The following SEMA6D variants were observed in gnomAD, a reference collection of about 807,000 sequenced individuals.
The protein encoded by SEMA6D is semaphorin 6D, also known as semaphorin-6D.
Under a neutral mutation model 106.6 loss-of-function variants are expected in SEMA6D, and 35 were observed. That is an observed-to-expected ratio of 0.33 (90% CI 0.25 to 0.44). The LOEUF is 0.44. SEMA6D is among the 20% of genes least tolerant of loss of function. The probability of loss-of-function intolerance (pLI) is 1.00; values close to 1 mark genes in which losing one functional copy is unlikely to be tolerated. For missense variants in SEMA6D, 1,185 were observed against 1,345.9 expected (o/e 0.88, Z 1.87); for synonymous variants, 499 against 487.7 (o/e 1.02, Z -0.31).
Position 47,770,758 on chromosome 15 carries a change from T to C in SEMA6D, c.2195T>C (p.Ile732Thr), listed in dbSNP as rs770240160. Residue 732 changes from isoleucine to threonine, a missense_variant, in exon 19 of 19, where the codon ATT becomes ACT. By Grantham distance (89) the Ile-to-Thr change is moderately conservative (BLOSUM62 -1). This residue lies in a region of SEMA6D where 750 missense variants were observed against 783.5 expected (regional missense o/e 0.96). Transcript: ENST00000536845. ...CCTGTCAAGGAATACCAACAGAATA[T>C]TGATTCTCCTAAACTGTATAGTAAC... is the stretch of plus-strand genomic sequence containing the variant. ...DSPVKEYQQN[I>T]DSPKLYSNLL... The C allele has an allele frequency of 3.1e-6, 5 of 1,613,982 alleles. No individual in the cohort carries two copies. The highest frequency in any genetic ancestry group is 4.2e-6 in the Non-Finnish European group (5 of 1,179,998).
intron 2 of SEMA6D, among the ~76,000 whole-genome samples, chr15:47,439,908 C>G (rs565798553): frequency 4.6e-5 from 7 of 152,152 alleles, no homozygotes; most frequent in African/African-American, 1.7e-4. Context: ...GCATTTCAGG[C>G]ACTAAAGGAA....
chr15:47,601,516 G>A (rs2076658666), intron 4 of SEMA6D, among the ~76,000 whole-genome samples: 1 of 152,158 alleles, frequency 6.6e-6, no homozygotes, highest in African/African-American at 2.4e-5. Flanking sequence ...ACAGGAATAA[G>A]TTTTCAAAAG....
intron 3 of SEMA6D, among the ~76,000 whole-genome samples, chr15:47,572,406 C>A (rs1169521045): frequency 6.6e-6 from 1 of 152,074 alleles, no homozygotes. Flanking sequence ...CTTTTATAAT[C>A]ATTTTCCTCC....
chr15:47,246,990 A>G (rs2033244768), intron 1 of SEMA6D, among the ~76,000 whole-genome samples: 1 of 152,180 alleles, frequency 6.6e-6, no homozygotes, highest in Non-Finnish European at 1.5e-5. Context: ...ATGCACAAAT[A>G]GGTTGAACTT....
chr15:47,589,810 A>G (rs1425868281), intron 3 of SEMA6D, among the ~76,000 whole-genome samples: 1 of 152,172 alleles, frequency 6.6e-6, no homozygotes, highest in Non-Finnish European at 1.5e-5. Flanking sequence ...GCAGAAGCCA[A>G]ATTGTAGTAG....
rs71118160 is a variant in SEMA6D at position 47,225,519 on chromosome 15, G to GTTTTTTTTTTTTTTT, written c.-239+41114_-239+41128dup. 2.2e-5 allele frequency among the ~76,000 whole-genome samples: 2 copies of GTTTTTTTTTTTTTTT among 92,384 alleles called. 1 individual carries two copies. The highest frequency in any genetic ancestry group is 1.2e-4 in the African/African-American group (2 of 16,820). 60.6% of individuals were successfully genotyped at this position (92,384 alleles called of 152,430 possible). Reference sequence around the variant, plus strand: ...ATCGGGTGTTTTTTTCTTGTTGAGGGTTTTTTTTTTTTTTTTTTTTTTTTT... The same window carrying GTTTTTTTTTTTTTTT: ...ATCGGGTGTTTTTTTCTTGTTGAGGGTTTTTTTTTTTTTTTTTTTTTTTTTTTTTTTTTTTTTTTT... On this transcript the variant is annotated intron_variant, in intron 1 of 19. Coordinates refer to the SEMA6D transcript ENST00000558014.
chr15:47,195,029 A>G (rs1375282890), intron 1 of SEMA6D, among the ~76,000 whole-genome samples: 3 of 152,200 alleles, frequency 2.0e-5, no homozygotes, highest in African/African-American at 4.8e-5. Flanking sequence ...CGTAAAGGAA[A>G]TTTGATGAAA....
At chr15:47,357,093 GGGAGGC>G (rs2038604064) in intron 1 of SEMA6D, among the ~76,000 whole-genome samples, 1 of 151,932 alleles carries the variant, frequency 6.6e-6, no homozygotes, top group African/African-American at 2.4e-5. Context: ...CCAGCACTTT[GGGAGGC>G]GGAGGCGGGC....
intron 1 of SEMA6D, among the ~76,000 whole-genome samples, chr15:47,401,843 C>T (rs1013656070): frequency 3.0e-4 from 45 of 152,190 alleles, no homozygotes; most frequent in East Asian, 1.9e-4. Flanking sequence ...TGTGTCTGTG[C>T]GTTCATACCA....
intron 1 of SEMA6D, among the ~76,000 whole-genome samples, chr15:47,324,677 A>G (rs531123489): frequency 1.3e-5 from 2 of 150,252 alleles, no homozygotes; most frequent in African/African-American, 4.9e-5. Flanking sequence ...AAACTATTAT[A>G]TTTAAATATA....
intron 1 of SEMA6D, among the ~76,000 whole-genome samples, chr15:47,254,319 A>ATGTGTGTG (rs370707378): frequency 1.5e-5 from 2 of 134,654 alleles, no homozygotes; most frequent in Non-Finnish European, 3.2e-5. Context: ...ATGTATATAT[A>ATGTGTGTG]TGTGTGTGTG....
At chr15:47,187,353 A>G (rs1196710179) in intron 1 of SEMA6D, among the ~76,000 whole-genome samples, 2 of 152,192 alleles carry the variant, frequency 1.3e-5, no homozygotes, top group Non-Finnish European at 2.9e-5. Flanking sequence ...ACCAATCTCA[A>G]GATTTTTATG....
intron 4 of SEMA6D, among the ~76,000 whole-genome samples, chr15:47,690,846 T>C (rs780284618): frequency 2.8e-4 from 43 of 152,178 alleles, no homozygotes; most frequent in Admixed American, 5.2e-4. Flanking sequence ...TAAAAATATA[T>C]ATAGAGTCCC....
rs558393452 is a variant in SEMA6D, at chr15:47,253,877, A to G, written c.-239+69459A>G. 3.3e-4 allele frequency among the ~76,000 whole-genome samples: 50 copies of G among 152,232 alleles called. 1 individual carries two copies. The highest frequency in any genetic ancestry group is 3.4e-3 in the Middle Eastern group (1 of 294). The stretch of plus-strand genomic sequence containing the variant: ...TACAAATTTTAGGAGTGTTTTTCCC[A>G]TATCTGTAAAGAACGTCGTTGATAC... On this transcript the variant is annotated intron_variant, in intron 1 of 19. Coordinates refer to the SEMA6D transcript ENST00000558014.
intron 2 of SEMA6D, among the ~76,000 whole-genome samples, chr15:47,426,068 T>C (rs558248516): frequency 4.6e-4 from 70 of 152,292 alleles, no homozygotes; most frequent in African/African-American, 1.7e-3. Context: ...TCTATTTGTC[T>C]CATGTCTTGA....
intron 1 of SEMA6D, among the ~76,000 whole-genome samples, chr15:47,718,109 C>T (rs1027059600): frequency 6.6e-6 from 1 of 152,196 alleles, no homozygotes; most frequent in Non-Finnish European, 1.5e-5. Context: ...GCTCGGCGTC[C>T]CCCGCACATA....
intron 1 of SEMA6D, among the ~76,000 whole-genome samples, chr15:47,736,070 T>C (rs2080430142): frequency 6.6e-6 from 1 of 151,352 alleles, no homozygotes; most frequent in African/African-American, 2.4e-5. Flanking sequence ...TTTGTTTATT[T>C]ATTGACTTAG....
chr15:47,731,403 A>G (rs2136895), intron 1 of SEMA6D, among the ~76,000 whole-genome samples: 152,234 of 152,244 alleles, frequency 1, 76,112 homozygotes, highest in Non-Finnish European at 1. Context: ...AGTGGCTGTT[A>G]CAGCTTGTGC....
chr15:47,687,153 TA>T (rs2078488043), intron 4 of SEMA6D, among the ~76,000 whole-genome samples: 1 of 148,030 alleles, frequency 6.8e-6, no homozygotes, highest in African/African-American at 2.5e-5. Flanking sequence ...AATCTAGAAA[TA>T]TGAAGGTTTT....
Sources: gnomAD v4.1 joint callset for allele counts (sites outside exome capture counted in the v4.1 genomes callset) on GRCh38, gnomAD v4.1.1 for gene constraint, gnomAD v4.1.1 regional missense constraint, MANE v1.5 for transcripts, NCBI Gene and HGNC (gene_info 2026-07-23, HGNC 2026-07-21) for gene names.